NEK1: variants seen among roughly 807,000 people sequenced by gnomAD.
The protein encoded by NEK1 is NIMA related kinase 1.
NEK1 carries 137 observed loss-of-function variants against 182.1 expected under a neutral mutation model. The ratio of observed to expected loss-of-function variants is 0.75; its 90% confidence interval spans 0.65 to 0.87. NEK1 has a LOEUF of 0.87. NEK1 is among the 40% of genes least tolerant of loss of function. The pLI is 0.00. For missense variants in NEK1, 1,391 were observed against 1,494.4 expected, an observed-to-expected ratio of 0.93 and a Z score of 1.14; for synonymous variants, 513 against 492.2, an observed-to-expected ratio of 1.04 and a Z score of -0.56.
chr4:169,461,316 C>A (rs796778855), intron 27 of NEK1, among the ~76,000 whole-genome samples: 1 of 151,964 alleles, frequency 6.6e-6, no homozygotes, highest in African/African-American at 2.4e-5. Context: ...TTTGATACAC[C>A]CAAAAATTGC....
chr4:169,426,387 A>G (rs1294565384), intron 29 of NEK1, among the ~76,000 whole-genome samples, 153 bp from the exon 30 acceptor site: 2 of 152,218 alleles, frequency 1.3e-5, no homozygotes, highest in East Asian at 1.9e-4. Flanking sequence ...ACTTTCTCAC[A>G]TAAGTACAAT....
rs1742452823 is a variant in NEK1 at position 169,454,485 on chromosome 4, G to T, written c.2587+8758C>A. The stretch of plus-strand genomic sequence containing the variant: ...ACAAAGAACTTAAGCAAAGTTACAA[G>T]AAAAAAACAACCCCATCAAAAGGTG... On this transcript the variant is annotated intron_variant, in intron 27 of 35. Transcript: ENST00000507142. 4.6e-5 allele frequency among the ~76,000 whole-genome samples: 7 copies of T among 151,886 alleles called. No individual in the cohort carries two copies. The South Asian group carries it at 1.5e-3, about 32-fold the overall frequency.
chr4:169,468,370 T>A (rs925044355), intron 26 of NEK1, among the ~76,000 whole-genome samples: 11 of 152,140 alleles, frequency 7.2e-5, no homozygotes, highest in African/African-American at 2.7e-4. Context: ...GGGGTGATGT[T>A]AATGTTCTGT....
intron 19 of NEK1, among the ~76,000 whole-genome samples, chr4:169,524,783 G>T (rs1446938281): frequency 6.6e-6 from 1 of 152,180 alleles, no homozygotes; most frequent in Non-Finnish European, 1.5e-5. Flanking sequence ...ATGGAAAAAT[G>T]AAAAGGATAT....
intron 23 of NEK1, among the ~76,000 whole-genome samples, chr4:169,491,164 G>GAA (rs1750018449): frequency 9.2e-6 from 1 of 109,086 alleles, no homozygotes; most frequent in Non-Finnish European, 1.8e-5. Context: ...AAAAAAAAAA[G>GAA]AGAGATGGAG....
intron 19 of NEK1, among the ~76,000 whole-genome samples, chr4:169,510,727 C>T (rs1754037582): frequency 6.6e-6 from 1 of 152,146 alleles, no homozygotes; most frequent in African/African-American, 2.4e-5. Context: ...GTGATCTCGC[C>T]ATTTCTAGTC....
chr4:169,577,110 G>A, intron 11 of NEK1, 31 bp from the exon 12 acceptor site: 1 of 1,609,430 alleles, frequency 6.2e-7, no homozygotes, highest in Non-Finnish European at 8.5e-7. Context: ...AATTTTGTCT[G>A]CAGTTCTTTA....
At chr4:169,471,028 T>A (rs1745860107) in intron 26 of NEK1, among the ~76,000 whole-genome samples, 1 of 152,202 alleles carries the variant, frequency 6.6e-6, no homozygotes, top group East Asian at 1.9e-4. Context: ...CCTGTAACTT[T>A]TTATCAAGGT....
intron 29 of NEK1, among the ~76,000 whole-genome samples, chr4:169,432,382 C>T (rs930261526): frequency 1.1e-4 from 16 of 152,140 alleles, no homozygotes; most frequent in African/African-American, 3.6e-4. Flanking sequence ...AGCAATTATA[C>T]TTATTACAGA....
chr4:169,558,992 C>G (rs1180832762), intron 16 of NEK1, among the ~76,000 whole-genome samples: 3 of 152,062 alleles, frequency 2.0e-5, no homozygotes, highest in Middle Eastern at 3.2e-3. Flanking sequence ...TAAAATATTT[C>G]AAATTCAATG....
rs188070966 is a variant in NEK1, at chr4:169,514,267, C to T, written c.1666-5415G>A. On this transcript the variant is annotated intron_variant, in intron 19 of 35. Coordinates refer to ENST00000507142, the MANE Select transcript of NEK1 (RefSeq NM_001199397.3). ...CCTCCCAAAGTGCTGGGATTACAGG[C>T]GTGAGCCACCGCACCCGGCAAGGAT... is the stretch of plus-strand genomic sequence containing the variant. 2.6e-3 allele frequency among the ~76,000 whole-genome samples: 397 copies of T among 152,192 alleles called. 3 individuals carry two copies. The highest frequency in any genetic ancestry group is 9.1e-3 in the African/African-American group (379 of 41,524).
intron 32 of NEK1, among the ~76,000 whole-genome samples, chr4:169,405,486 T>G (rs902160760): frequency 2.6e-5 from 4 of 152,218 alleles, no homozygotes; most frequent in Non-Finnish European, 4.4e-5. Flanking sequence ...TTTATCAATT[T>G]ATTTTTCTGC....
chr4:169,535,880 CAAAAAAAAAAA>C (rs58257441), intron 19 of NEK1, among the ~76,000 whole-genome samples: 8 of 84,976 alleles, frequency 9.4e-5, no homozygotes, highest in Admixed American at 2.6e-4. Flanking sequence ...AACTCCGTGT[CAAAAAAAAAAA>C]AAAAAGAAAA....
At chr4:169,587,528 C>T in intron 9 of NEK1, 31 bp downstream of exon 9, 1 of 1,251,580 alleles carries the variant, frequency 8.0e-7, no homozygotes, top group Non-Finnish European at 1.1e-6. Flanking sequence ...TTTAACATAA[C>T]TTTGAAAGTA....
rs538801534 is a variant in NEK1 at position 169,399,590 on chromosome 4, T to A, written c.3847+635A>T. Among the ~76,000 whole-genome samples the A allele has an allele frequency of 5.0e-3, 731 of 145,704 alleles. 7 individuals are homozygous for A. Among genetic ancestry groups the A allele is most frequent in the African/African-American group, 0.015 (609 of 39,852 alleles). ...CTGTCTCAAAAAAAACAAAAAAAAA[T>A]GAATTATTCTAAGTTATAATCTTCT... On this transcript the variant is annotated intron_variant, in intron 35 of 35. Coordinates refer to ENST00000507142, the MANE Select transcript of NEK1 (RefSeq NM_001199397.3).
intron 26 of NEK1, among the ~76,000 whole-genome samples, chr4:169,466,507 C>A (rs552499652): frequency 6.6e-6 from 1 of 151,992 alleles, no homozygotes; most frequent in African/African-American, 2.4e-5. Flanking sequence ...AGTGGAGCAG[C>A]ATCATTAAAG....
chr4:169,557,897 A>T (rs916277481), intron 16 of NEK1, among the ~76,000 whole-genome samples: 7 of 152,108 alleles, frequency 4.6e-5, no homozygotes, highest in Admixed American at 2.6e-4. Context: ...CACCACTGCA[A>T]TCTAGCTTGG....
chr4:169,604,137 C>T (rs1770951509), intron 2 of NEK1, among the ~76,000 whole-genome samples: 1 of 152,040 alleles, frequency 6.6e-6, no homozygotes, highest in South Asian at 2.1e-4. Flanking sequence ...ATTATTTTCC[C>T]TTATATCCTA....
intron 31 of NEK1, among the ~76,000 whole-genome samples, chr4:169,412,623 T>C (rs1733863150): frequency 6.6e-6 from 1 of 152,182 alleles, no homozygotes; most frequent in Non-Finnish European, 1.5e-5. Flanking sequence ...CCCTAACTGA[T>C]GAATACATTC....
Sources: allele counts gnomAD v4.1 joint callset (sites outside exome capture counted in the v4.1 genomes callset), GRCh38; gene constraint gnomAD v4.1.1; transcripts MANE v1.5; gene names NCBI Gene and HGNC (gene_info 2026-07-23, HGNC 2026-07-21).